Variants in PARD3 observed in about 807,000 individuals in gnomAD.
The protein encoded by PARD3 is par-3 family cell polarity regulator, also known as partitioning defective 3 homolog.
Under a neutral mutation model 155.4 loss-of-function variants are expected in PARD3, and 75 were observed. The ratio of observed to expected loss-of-function variants is 0.48; its 90% CI spans 0.40 to 0.58. PARD3 has a LOEUF of 0.58. Among genes scored for constraint, PARD3 ranks in the 20% least tolerant of loss-of-function variants. The pLI, the probability that PARD3 is intolerant of heterozygous loss-of-function variation, is 0.00. For synonymous variants in PARD3, 576 were observed against 610.5 expected (o/e 0.94, Z 0.83); for missense variants, 1,642 against 1,721.7 (o/e 0.95, Z 0.82).
intron 5 of PARD3, among the ~76,000 whole-genome samples, chr10:34,406,676 C>T (rs2132255762): frequency 6.6e-6 from 1 of 152,112 alleles, no homozygotes; most frequent in South Asian, 2.1e-4. Context: ...TACAAGTTTG[C>T]ACCTCCTCCC....
At chr10:34,474,001 T>C (rs1356300535) in intron 3 of PARD3, among the ~76,000 whole-genome samples, 1 of 152,152 alleles carries the variant, frequency 6.6e-6, no homozygotes, top group Non-Finnish European at 1.5e-5. Flanking sequence ...CACAAGGACC[T>C]TTATGGGCTA....
Position 34,415,619 on chromosome 10 carries a change from T to C in PARD3, c.715-13702A>G, listed in dbSNP as rs141836814. Among the ~76,000 whole-genome samples, 332 of 152,236 alleles carry C rather than the reference T, an allele frequency of 2.2e-3. 1 individual carries two copies. The highest frequency in any genetic ancestry group is 7.3e-3 in the African/African-American group (302 of 41,532). On this transcript the variant is annotated intron_variant, in intron 5 of 24. Coordinates refer to ENST00000374788, the MANE Select transcript of PARD3 (RefSeq NM_001184785.2). ...ATTCTTATCTAAAAAGGAACCTGAA[T>C]TGCATAAAAGACCAGTAGAAAGGGA... is the stretch of plus-strand genomic sequence containing the variant.
intron 22 of PARD3, among the ~76,000 whole-genome samples, chr10:34,268,395 G>T (rs1178193758): frequency 1.3e-5 from 2 of 148,924 alleles, no homozygotes; most frequent in Admixed American, 1.3e-4. Context: ...TCTAGAACTA[G>T]AAATACCATT....
At chr10:34,119,182 C>T (rs932109511) in intron 24 of PARD3, among the ~76,000 whole-genome samples, 4 of 152,188 alleles carry the variant, frequency 2.6e-5, no homozygotes, top group East Asian at 1.9e-4. Flanking sequence ...CACACAACCA[C>T]GGCGTATGCA....
chr10:34,215,147 T>TTC (rs1951942840), intron 22 of PARD3, among the ~76,000 whole-genome samples: 1 of 152,204 alleles, frequency 6.6e-6, no homozygotes, highest in Admixed American at 6.5e-5. Flanking sequence ...TTTTGCCTCA[T>TTC]TCTTGGAAGG....
chr10:34,206,017 G>C (rs1951461899), intron 22 of PARD3, among the ~76,000 whole-genome samples: 1 of 152,126 alleles, frequency 6.6e-6, no homozygotes, highest in Admixed American at 6.5e-5. Flanking sequence ...ACTAGATCGA[G>C]GTCTTGTCCC....
intron 22 of PARD3, among the ~76,000 whole-genome samples, chr10:34,180,774 T>G (rs1950233902): frequency 6.6e-6 from 1 of 152,120 alleles, no homozygotes; most frequent in African/African-American, 2.4e-5. Context: ...ACTGCCCTCG[T>G]GTCTTGCTGG....
At chr10:34,648,567 G>A (rs2092915049) in intron 2 of PARD3, among the ~76,000 whole-genome samples, 1 of 152,180 alleles carries the variant, frequency 6.6e-6, no homozygotes, top group Admixed American at 6.5e-5. Context: ...TCAGGCATTA[G>A]TTAGATTCTC....
At chr10:34,536,326 G>A (rs952281227) in intron 2 of PARD3, among the ~76,000 whole-genome samples, 7 of 152,104 alleles carry the variant, frequency 4.6e-5, no homozygotes. Flanking sequence ...TGACTTCACT[G>A]AACAGAAGAA....
At chr10:34,401,632 C>T (rs538505245) in intron 6 of PARD3, among the ~76,000 whole-genome samples, 194 bp downstream of exon 6, 1 of 152,272 alleles carries the variant, frequency 6.6e-6, no homozygotes, top group South Asian at 2.1e-4. Flanking sequence ...TACACATGAA[C>T]TTCCATGCTA....
At chr10:34,240,733 T>G (rs953529696) in intron 22 of PARD3, among the ~76,000 whole-genome samples, 45 of 152,096 alleles carry the variant, frequency 3.0e-4, no homozygotes, top group African/African-American at 1.0e-3. Flanking sequence ...GGAGTCAGCC[T>G]CCTTTTCCCC....
intron 1 of PARD3, among the ~76,000 whole-genome samples, chr10:34,722,065 G>A (rs7905697): frequency 0.61 from 93,059 of 151,910 alleles, 28,863 homozygotes; most frequent in Non-Finnish European, 0.67. Context: ...GGCGCCACGT[G>A]CCTGTAGTCC....
intron 3 of PARD3, among the ~76,000 whole-genome samples, chr10:34,509,472 T>C (rs772822785): frequency 1.3e-5 from 2 of 152,184 alleles, no homozygotes; most frequent in Non-Finnish European, 2.9e-5. Context: ...GGATAGTGTT[T>C]TATTTTCCTT....
chr10:34,114,446 C>T (rs895278806), intron 24 of PARD3, among the ~76,000 whole-genome samples: 2 of 152,084 alleles, frequency 1.3e-5, no homozygotes, highest in South Asian at 2.1e-4. Context: ...TGGGTTCAAG[C>T]GATTCAGCTG....
chr10:34,175,763 ACAAT>A (rs1190408570), intron 22 of PARD3, among the ~76,000 whole-genome samples: 1 of 152,228 alleles, frequency 6.6e-6, no homozygotes, highest in Non-Finnish European at 1.5e-5. Context: ...GGAGTTTAAA[ACAAT>A]CAGTTTTATG....
At chr10:34,435,933 C>CT (rs1173864978) in intron 5 of PARD3, among the ~76,000 whole-genome samples, 2 of 152,132 alleles carry the variant, frequency 1.3e-5, no homozygotes, top group Non-Finnish European at 2.9e-5. Context: ...AAATCTTGTC[C>CT]TTTTTCTGTC....
At chr10:34,443,064 C>A (rs1278918744) in intron 5 of PARD3, among the ~76,000 whole-genome samples, 2 of 151,594 alleles carry the variant, frequency 1.3e-5, no homozygotes, top group African/African-American at 4.8e-5. Flanking sequence ...GGAAAAAAAA[C>A]AACTCTGGTA....
intron 1 of PARD3, among the ~76,000 whole-genome samples, chr10:34,801,588 T>C (rs900672846): frequency 1.3e-5 from 2 of 152,176 alleles, no homozygotes; most frequent in Admixed American, 6.5e-5. Context: ...GTATGATAAA[T>C]AGGTCAACTC....
intron 11 of PARD3, among the ~76,000 whole-genome samples, chr10:34,374,224 C>G (rs932430789): frequency 6.6e-6 from 1 of 152,068 alleles, no homozygotes; most frequent in Non-Finnish European, 1.5e-5. Flanking sequence ...TTCATTCACA[C>G]CAATACCATG....
Sources: gnomAD v4.1 joint callset for allele counts (sites outside exome capture counted in the v4.1 genomes callset) on GRCh38, gnomAD v4.1.1 for gene constraint, MANE v1.5 for transcripts, NCBI Gene and HGNC (gene_info 2026-07-23, HGNC 2026-07-21) for gene names.